The following KCNMB2 variants were observed in gnomAD, a reference collection of about 807,000 sequenced individuals.
The protein encoded by KCNMB2 is potassium calcium-activated channel subfamily M regulatory beta subunit 2, also known as calcium-activated potassium channel subunit beta-2.
Under a neutral mutation model 24.5 loss-of-function variants are expected in KCNMB2, and 9 were observed. That is an observed-to-expected ratio of 0.37 (90% CI 0.22 to 0.64). KCNMB2 has a LOEUF of 0.64. KCNMB2 is among the 30% of genes least tolerant of loss of function. The probability of loss-of-function intolerance (pLI) is 0.63; values close to 1 mark genes in which losing one functional copy is unlikely to be tolerated. For missense variants in KCNMB2, 226 were observed against 284.3 expected (o/e 0.79, Z 1.47); for synonymous variants, 109 against 104.4 (o/e 1.04, Z -0.27).
At chr3:178,766,175 A>C (rs1474200482) in intron 1 of KCNMB2, among the ~76,000 whole-genome samples, 1 of 152,036 alleles carries the variant, frequency 6.6e-6, no homozygotes, top group Admixed American at 6.6e-5. Context: ...CCCCTCTTCC[A>C]TATTCTTATC....
chr3:178,596,518 C>T (rs1245269291), intron 1 of KCNMB2, among the ~76,000 whole-genome samples: 1 of 151,828 alleles, frequency 6.6e-6, no homozygotes, highest in Non-Finnish European at 1.5e-5. Flanking sequence ...ATTACACTAC[C>T]ACCTCCCCTC....
rs745693456 is a variant in KCNMB2 at position 178,828,295 on chromosome 3, G to C, written c.345G>C (p.Gln115His). ...AACTTTCTCAGTACCCCTGCCTCCAGGTGTACGTTAACCTGACTTCTTCCG... is the reference window on the plus strand; with the variant it reads ...AACTTTCTCAGTACCCCTGCCTCCACGTGTACGTTAACCTGACTTCTTCCG... ...CWKLSQYPCL[Q>H]VYVNLTSSGE... Residue 115 changes from glutamine (Q) to histidine (H), a missense_variant, in exon 4 of 5, where the codon CAG becomes CAC. By Grantham distance (24) the Gln-to-His change is conservative. Coordinates refer to ENST00000452583, the MANE Select transcript of KCNMB2 (RefSeq NM_181361.3). 1.2e-6 allele frequency: 2 copies of C among 1,613,950 alleles called. No individual in the cohort carries two copies. The highest frequency in any genetic ancestry group is 1.7e-5 in the Admixed American group (1 of 59,992).
Position 178,798,735 on chromosome 3 carries a change from T to G in KCNMB2, c.-67-8608T>G, listed in dbSNP as rs373878575. 3.3e-4 allele frequency among the ~76,000 whole-genome samples: 50 copies of G among 151,810 alleles called. 1 individual carries two copies. The South Asian group carries it at 0.01, about 31-fold the overall frequency. On this transcript the variant is annotated intron_variant, in intron 1 of 4. Transcript: ENST00000452583. ...ACCAGGGCCTGTCAGGGAGTGAGGTTGGGGGAGGGAGAGCATTGGGAAAAA... is the reference window on the plus strand; with the variant it reads ...ACCAGGGCCTGTCAGGGAGTGAGGTGGGGGGAGGGAGAGCATTGGGAAAAA...
At chr3:178,611,708 A>G (rs961355928) in intron 1 of KCNMB2, among the ~76,000 whole-genome samples, 11 of 152,090 alleles carry the variant, frequency 7.2e-5, no homozygotes, top group African/African-American at 2.4e-4. Flanking sequence ...CTGTCTCACA[A>G]AAAACAAACA....
chr3:178,697,815 A>G (rs1189651959), intron 1 of KCNMB2, among the ~76,000 whole-genome samples: 1 of 152,236 alleles, frequency 6.6e-6, no homozygotes, highest in Non-Finnish European at 1.5e-5. Flanking sequence ...AAATTCCGTC[A>G]GCATTTGCTT....
At chr3:178,651,649 C>A (rs1456206933) in intron 1 of KCNMB2, among the ~76,000 whole-genome samples, 1 of 152,180 alleles carries the variant, frequency 6.6e-6, no homozygotes, top group African/African-American at 2.4e-5. Context: ...CTGGAGGCAT[C>A]AAGCTACCTG....
intron 1 of KCNMB2, chr3:178,795,110 C>T (rs896939401): frequency 1.3e-5 from 2 of 151,840 alleles, no homozygotes; most frequent in Non-Finnish European, 2.9e-5. Context: ...AAGATAATGG[C>T]ATTATGGTTT....
chr3:178,592,684 G>A (rs16829803), intron 1 of KCNMB2, among the ~76,000 whole-genome samples: 36,131 of 151,974 alleles, frequency 0.24, 5,007 homozygotes, highest in East Asian at 0.4. Context: ...AGGTCTATAC[G>A]TTTTGGTAAA....
chr3:178,678,334 AT>A (rs35659087), intron 1 of KCNMB2, among the ~76,000 whole-genome samples: 1 of 152,274 alleles, frequency 6.6e-6, no homozygotes, highest in Non-Finnish European at 1.5e-5. Flanking sequence ...CTCAGATCCC[AT>A]TTATAATTTG....
At chr3:178,778,806 G>A (rs1469176308) in intron 1 of KCNMB2, among the ~76,000 whole-genome samples, 1 of 152,098 alleles carries the variant, frequency 6.6e-6, no homozygotes, top group Non-Finnish European at 1.5e-5. Flanking sequence ...ACCACCACCT[G>A]CACAAGAGCG....
At chr3:178,719,896 GC>G (rs745684363) in intron 1 of KCNMB2, among the ~76,000 whole-genome samples, 6 of 151,972 alleles carry the variant, frequency 3.9e-5, no homozygotes, top group Non-Finnish European at 7.4e-5. Context: ...CCAGTACCTA[GC>G]CCCCGGCAAC....
chr3:178,760,317 TAG>T (rs1711777678), intron 1 of KCNMB2, among the ~76,000 whole-genome samples: 1 of 121,728 alleles, frequency 8.2e-6, no homozygotes, highest in African/African-American at 3.0e-5. Context: ...TATCTATATA[TAG>T]ATATATATAG....
At chr3:178,817,854 G>A (rs904289329) in intron 2 of KCNMB2, among the ~76,000 whole-genome samples, 1 of 152,106 alleles carries the variant, frequency 6.6e-6, no homozygotes, top group Non-Finnish European at 1.5e-5. Flanking sequence ...AGCCAGTCTA[G>A]TCCAAATAAA....
At chr3:178,562,053 G>A (rs1716335408) in intron 1 of KCNMB2, among the ~76,000 whole-genome samples, 1 of 152,160 alleles carries the variant, frequency 6.6e-6, no homozygotes, top group Non-Finnish European at 1.5e-5. Flanking sequence ...AACAAATACA[G>A]TTTCTAGTAA....
chr3:178,717,275 C>A (rs1722648600), intron 1 of KCNMB2, among the ~76,000 whole-genome samples: 1 of 150,222 alleles, frequency 6.7e-6, no homozygotes, highest in African/African-American at 2.5e-5. Flanking sequence ...GTTCATGAAC[C>A]ATTTACCTTC....
At chr3:178,795,762 T>C (rs1713515503) in intron 1 of KCNMB2, among the ~76,000 whole-genome samples, 1 of 152,160 alleles carries the variant, frequency 6.6e-6, no homozygotes. Flanking sequence ...TAAGTTGCAA[T>C]AGAAAACTCA....
intron 1 of KCNMB2, among the ~76,000 whole-genome samples, chr3:178,756,882 T>C (rs1449168622): frequency 6.6e-6 from 1 of 152,020 alleles, no homozygotes; most frequent in Non-Finnish European, 1.5e-5. Context: ...ATAATGCACA[T>C]CACAGCTTTC....
intron 1 of KCNMB2, among the ~76,000 whole-genome samples, chr3:178,653,940 C>G (rs143267903): frequency 6.6e-6 from 1 of 151,964 alleles, no homozygotes; most frequent in Non-Finnish European, 1.5e-5. Context: ...CCTTTTTTTA[C>G]TACTTTCTGA....
intron 1 of KCNMB2, among the ~76,000 whole-genome samples, chr3:178,691,350 C>T (rs181333789): frequency 6.7e-6 from 1 of 150,140 alleles, no homozygotes; most frequent in African/African-American, 2.5e-5. Context: ...TATTTCATCA[C>T]TGAGTTATTA....
Sources: allele counts gnomAD v4.1 joint callset (sites outside exome capture counted in the v4.1 genomes callset), GRCh38; gene constraint gnomAD v4.1.1; transcripts MANE v1.5; gene names NCBI Gene and HGNC (gene_info 2026-07-23, HGNC 2026-07-21).